The following ACACA variants were observed in gnomAD, a reference collection of about 807,000 sequenced individuals.
ACACA encodes the protein acetyl-CoA carboxylase 1.
Under a neutral mutation model 296.1 loss-of-function variants are expected in ACACA, and 103 were observed. The observed-to-expected ratio is 0.35, with a 90% CI of 0.30 to 0.41. The LOEUF is 0.41. Ranked by LOEUF, ACACA falls within the 10% of genes least tolerant of loss-of-function variation. The pLI, the probability that ACACA is intolerant of heterozygous loss-of-function variation, is 1.00. For synonymous variants in ACACA, 953 were observed against 1,038.6 expected (o/e 0.92, Z 1.58); for missense variants, 1,554 against 2,989.7 (o/e 0.52, Z 11.20).
chr17:37,216,074 T>C (rs1598204825), intron 29 of ACACA, among the ~76,000 whole-genome samples: 1 of 137,960 alleles, frequency 7.2e-6, no homozygotes, highest in African/African-American at 2.8e-5. Context: ...AAAAATCCCC[T>C]CCCCTCAAAA....
chr17:37,206,145 TA>T (rs1396966283), intron 32 of ACACA, among the ~76,000 whole-genome samples: 2 of 151,900 alleles, frequency 1.3e-5, no homozygotes, highest in Non-Finnish European at 2.9e-5. Context: ...TGAAGATCAC[TA>T]TGTCTCACCT....
chr17:37,162,984 C>T (rs1270889332), intron 41 of ACACA: 1 of 154,280 alleles, frequency 6.5e-6, no homozygotes, highest in Admixed American at 6.5e-5. Flanking sequence ...CCACTCCACC[C>T]AGATCATGAA....
chr17:37,346,339 T>C (rs2048617692), intron 1 of ACACA, among the ~76,000 whole-genome samples: 1 of 145,376 alleles, frequency 6.9e-6, no homozygotes, highest in South Asian at 2.2e-4. Flanking sequence ...AAAAGTATTA[T>C]GGCTATGTAA....
intron 52 of ACACA, among the ~76,000 whole-genome samples, chr17:37,099,590 A>G (rs113171951): frequency 0.062 from 4,910 of 79,586 alleles, 63 homozygotes; most frequent in African/African-American, 0.16. Context: ...GGCTGATGGC[A>G]GGAGGGCTGA....
At chr17:37,123,079 G>A (rs2074604062) in intron 48 of ACACA, among the ~76,000 whole-genome samples, 1 of 152,200 alleles carries the variant, frequency 6.6e-6, no homozygotes, top group South Asian at 2.1e-4. Flanking sequence ...TGCTGAAATG[G>A]AGCTGTAGTT....
chr17:37,121,419 G>A lies in ACACA; in HGVS notation c.6210C>T (p.Phe2070=). Residue 2070 remains phenylalanine (F), a synonymous_variant, in exon 50 of 56, where the codon TTC becomes TTT. Transcript: ENST00000616317. ...CCATCAGAGGCAGCCCTTCCCGGTTGAAGTCCTTGATGGCCTGATACGTCT... is the reference window on the plus strand; with the variant it reads ...CCATCAGAGGCAGCCCTTCCCGGTTAAAGTCCTTGATGGCCTGATACGTCT... ...AFKTYQAIKD[F]NREGLPLMVF... 1 of 1,614,140 alleles carries A rather than the reference G, an allele frequency of 6.2e-7. No individual in the cohort carries two copies. Among genetic ancestry groups the A allele is most frequent in the Non-Finnish European group, 8.5e-7 (1 of 1,180,022 alleles).
At chr17:37,232,000 C>T (rs2079882182) in intron 25 of ACACA, among the ~76,000 whole-genome samples, 1 of 152,164 alleles carries the variant, frequency 6.6e-6, no homozygotes, top group Admixed American at 6.5e-5. Context: ...ATGGAGGAAA[C>T]CTGATAGGAC....
chr17:37,266,960 A>G (rs1017597290), intron 10 of ACACA, among the ~76,000 whole-genome samples: 1 of 152,134 alleles, frequency 6.6e-6, no homozygotes, highest in Non-Finnish European at 1.5e-5. Flanking sequence ...ACAATTCATC[A>G]TTCTTCCAGT....
intron 3 of ACACA, among the ~76,000 whole-genome samples, chr17:37,289,237 G>A (rs566682984): frequency 7.2e-5 from 11 of 152,036 alleles, no homozygotes; most frequent in African/African-American, 2.7e-4. Context: ...ACTCTAGCCT[G>A]GGTGACAGAG....
At chr17:37,283,029 T>C (rs1305307520) in intron 5 of ACACA, among the ~76,000 whole-genome samples, 7 of 152,212 alleles carry the variant, frequency 4.6e-5, no homozygotes, top group East Asian at 1.9e-4. Flanking sequence ...TCAACACTTT[T>C]GTTAAATTTC....
At chr17:37,393,941 T>G (rs192062650) in intron 1 of ACACA, among the ~76,000 whole-genome samples, 24 of 152,302 alleles carry the variant, frequency 1.6e-4, no homozygotes, top group African/African-American at 5.8e-4. Flanking sequence ...CATAGACCCC[T>G]CTGAGGATTT....
At chr17:37,195,186 G>A (rs1319149757) in intron 35 of ACACA, among the ~76,000 whole-genome samples, 1 of 152,082 alleles carries the variant, frequency 6.6e-6, no homozygotes, top group Non-Finnish European at 1.5e-5. Flanking sequence ...GATATTTTAC[G>A]CACACACTTT....
chr17:37,332,740 C>T (rs546599544), intron 2 of ACACA, among the ~76,000 whole-genome samples: 89 of 151,978 alleles, frequency 5.9e-4, no homozygotes, highest in Non-Finnish European at 9.1e-4. Flanking sequence ...GGTGAAACCC[C>T]GTCTCTACTA....
At chr17:37,337,330 CGTTT>C (rs2048167333) in intron 2 of ACACA, among the ~76,000 whole-genome samples, 1 of 149,590 alleles carries the variant, frequency 6.7e-6, no homozygotes, top group South Asian at 2.1e-4. Flanking sequence ...GTGGGAGAAT[CGTTT>C]GAGCCCAGGA....
intron 39 of ACACA, among the ~76,000 whole-genome samples, chr17:37,183,580 G>A: frequency 6.6e-6 from 1 of 152,048 alleles, no homozygotes. Context: ...TGCAATCCCA[G>A]CGCTTTGGGA....
intron 2 of ACACA, among the ~76,000 whole-genome samples, chr17:37,338,398 T>G (rs1597640252): frequency 1.3e-5 from 2 of 152,186 alleles, no homozygotes; most frequent in East Asian, 3.9e-4. Flanking sequence ...GGCTCATGCC[T>G]GTAATCCCAG....
chr17:37,384,247 T>C (rs1405668709), intron 1 of ACACA, among the ~76,000 whole-genome samples: 2 of 152,214 alleles, frequency 1.3e-5, no homozygotes, highest in Non-Finnish European at 2.9e-5. Flanking sequence ...AGGGTGAGAA[T>C]GTTCTGCAAT....
At chr17:37,322,982 G>A (rs1052654507) in intron 3 of ACACA, among the ~76,000 whole-genome samples, 2 of 152,286 alleles carry the variant, frequency 1.3e-5, no homozygotes, top group Non-Finnish European at 2.9e-5. Context: ...TCAGGATACA[G>A]AAAGCTGTCA....
Position 37,270,761 on chromosome 17 carries a change from A to G in ACACA, c.1109T>C (p.Leu370Pro). The G allele has an allele frequency of 6.2e-7, 1 of 1,612,620 alleles. No individual in the cohort carries two copies. Among genetic ancestry groups the G allele is most frequent in the South Asian group, 1.1e-5 (1 of 91,052 alleles). The change falls in exon 10 of 56, where the codon CTC (leucine) becomes CCC (proline). Residue 370 changes from leucine to proline, a missense_variant. Around this residue, in one of 16 missense-constraint regions of ACACA, gnomAD observed 82 missense variants for 185.2 expected, o/e 0.44. Coordinates refer to ENST00000616317, the MANE Select transcript of ACACA (RefSeq NM_198834.3). ...KVNNADDFPN[L>P]FRQVQAEVPG... is the part of the protein sequence containing the mutation. ...CAGCTTATACTCTACCTGTCTGAAG[A>G]GATTAGGGAAGTCATCTGCATTGTT... is the stretch of plus-strand genomic sequence containing the variant.
Sources: allele counts gnomAD v4.1 joint callset (sites outside exome capture counted in the v4.1 genomes callset), GRCh38; gene constraint gnomAD v4.1.1; regional missense constraint gnomAD v4.1.1; transcripts MANE v1.5; gene names NCBI Gene and HGNC (gene_info 2026-07-23, HGNC 2026-07-21).